Variants in OR7A17 observed in about 807,000 individuals in gnomAD.
OR7A17 encodes olfactory receptor 7A17.
For synonymous variants in OR7A17, 159 were observed against 142.1 expected (o/e 1.12, Z -0.85); for missense variants, 366 against 365.5 (o/e 1.00, Z -0.01).
At chr19:14,882,928 G>A (rs1381841884) in intron 1 of OR7A17, among the ~76,000 whole-genome samples, 1 of 152,196 alleles carries the variant, frequency 6.6e-6, no homozygotes, top group Non-Finnish European at 1.5e-5. Flanking sequence ...TACCAGGCAA[G>A]TTGTCAATTT....
chr19:14,880,327 G>C lies in OR7A17; in HGVS notation c.*99C>G. ...TTGAAACTCTGAGAAAAAATAGAAG[G>C]AGCAAATTCCACTTTCACAACCTGA... On this transcript the variant is annotated 3_prime_UTR_variant, in exon 3 of 3. Coordinates refer to ENST00000641113, the MANE Select transcript of OR7A17 (RefSeq NM_030901.2). The C allele has an allele frequency of 1.0e-6, 1 of 981,934 alleles. No individual in the cohort carries two copies. Among genetic ancestry groups the C allele is most frequent in the Middle Eastern group, 2.3e-4 (1 of 4,404 alleles). The allele number at this position is 981,934 out of a possible 1,614,324, so 60.8% of individuals were successfully genotyped here.
At chr19:14,884,280 C>A (rs2045126481) in intron 1 of OR7A17, among the ~76,000 whole-genome samples, 1 of 151,888 alleles carries the variant, frequency 6.6e-6, no homozygotes, top group Non-Finnish European at 1.5e-5. Flanking sequence ...AAAATGTTTC[C>A]TTAAATATTT....
At chr19:14,883,428 G>A (rs548556520) in intron 1 of OR7A17, among the ~76,000 whole-genome samples, 16 of 149,936 alleles carry the variant, frequency 1.1e-4, no homozygotes, top group Middle Eastern at 3.4e-3. Context: ...CAACAAGAGC[G>A]AAACTCTGTC....
At chr19:14,884,572 G>A (rs1432296222) in intron 1 of OR7A17, 1 of 152,156 alleles carries the variant, frequency 6.6e-6, no homozygotes, top group Non-Finnish European at 1.5e-5. Context: ...GACTAAACCA[G>A]GAAGAAGTCA....
rs1327279586 is a variant in OR7A17 at position 14,880,676 on chromosome 19, G to A, written c.680C>T (p.Ala227Val). The change falls in exon 3 of 3, where the codon GCA becomes GTA. Residue 227 changes from alanine to valine, a missense_variant. Physicochemically the swap from Ala to Val is moderately conservative, Grantham distance 64. Transcript: ENST00000641113. ...SYSKIVSSIR[A>V]ISSAQGKYKA... ...GTACTTCCCCTGAGCTGATGAGATTGCACGTATGGAGGAAACTATCTTAGA... is the reference window on the plus strand; with the variant it reads ...GTACTTCCCCTGAGCTGATGAGATTACACGTATGGAGGAAACTATCTTAGA... 1 of 1,614,070 alleles carries A rather than the reference G, an allele frequency of 6.2e-7. No homozygotes were observed. The highest frequency in any genetic ancestry group is 1.3e-5 in the African/African-American group (1 of 74,918).
At position 14,880,404 on chromosome 19, in the gene OR7A17, T is replaced by G. The variant is rs945777055; in HGVS notation, c.*22A>C. The G allele has an allele frequency of 2.6e-6, 4 of 1,538,394 alleles. No individual in the cohort carries two copies. The highest frequency in any genetic ancestry group is 2.6e-6 in the Non-Finnish European group (3 of 1,138,728). ...AGACTTAAAGCTCTGAAATCACAGT[T>G]ATTTCTTGAAAAATGGCCCTTTTAT... On this transcript the variant is annotated 3_prime_UTR_variant, in exon 3 of 3. Transcript: ENST00000641113.
chr19:14,880,467 T>G lies in OR7A17; in HGVS notation c.889A>C (p.Ile297Leu), dbSNP rs770542047. 2 of 1,611,884 alleles carry G rather than the reference T, an allele frequency of 1.2e-6. No homozygotes were observed. The highest frequency in any genetic ancestry group is 1.7e-6 in the Non-Finnish European group (2 of 1,179,288). ...PFIYSLRNKD[I>L]KRALKMSFRG... ...AAGGACATTTTCAGAGCCCTCTTTA[T>G]GTCTTTATTCCTCAGACTGTAGATA... The change falls in exon 3 of 3, where the codon ATA (isoleucine) becomes CTA (leucine). Residue 297 changes from isoleucine (I) to leucine (L), a missense_variant. Coordinates refer to ENST00000641113, the MANE Select transcript of OR7A17 (RefSeq NM_030901.2).
rs1476313057 is a variant in OR7A17 at position 14,881,068 on chromosome 19, G to A, written c.288C>T (p.Gly96=). 3 of 1,614,208 alleles carry A rather than the reference G, an allele frequency of 1.9e-6. No individual in the cohort carries two copies. Among genetic ancestry groups the A allele is most frequent in the Non-Finnish European group, 2.5e-6 (3 of 1,180,040 alleles). The change falls in exon 3 of 3, where the codon GGC becomes GGT. Residue 96 remains glycine (G), a synonymous_variant. Transcript: ENST00000641113. The part of the protein sequence containing the change: ...QTQSRVITYA[G]CITQMCFFVL... ...CAAAAAAGCACATCTGGGTGATGCA[G>A]CCTGCATAGGTGATGACTCTGCTCT...
Position 14,880,673 on chromosome 19 carries a change from A to G in OR7A17, c.683T>C (p.Ile228Thr). The part of the protein sequence containing the change: ...YSKIVSSIRA[I>T]SSAQGKYKAF... ...CTTGTACTTCCCCTGAGCTGATGAG[A>G]TTGCACGTATGGAGGAAACTATCTT... The change falls in exon 3 of 3, where the codon ATC becomes ACC. Residue 228 changes from isoleucine to threonine, a missense_variant. Physicochemically the swap from Ile to Thr is moderately conservative, Grantham distance 89 (BLOSUM62 -1). Transcript: ENST00000641113. 6.2e-7 allele frequency: 1 copy of G among 1,614,184 alleles called. No homozygotes were observed. The highest frequency in any genetic ancestry group is 8.5e-7 in the Non-Finnish European group (1 of 1,180,034).
Position 14,880,231 on chromosome 19 carries a change from A to T in OR7A17, c.*195T>A. The stretch of plus-strand genomic sequence containing the variant: ...TGACAAAAAAAAAAAAAAAAAAAAG[A>T]TTGGATATCAGAGAGCGGAAAGCTT... On this transcript the variant is annotated 3_prime_UTR_variant, in exon 3 of 3. Coordinates refer to ENST00000641113, the MANE Select transcript of OR7A17 (RefSeq NM_030901.2). The T allele has an allele frequency of 1.7e-4, 46 of 275,102 alleles. No individual in the cohort carries two copies. Among genetic ancestry groups the T allele is most frequent in the Middle Eastern group, 2.2e-3 (2 of 910 alleles). 17.0% of individuals were successfully genotyped at this position (275,102 alleles called of 1,614,324 possible).
intron 1 of OR7A17, among the ~76,000 whole-genome samples, chr19:14,883,322 C>G (rs1382702777): frequency 6.6e-6 from 1 of 152,046 alleles, no homozygotes; most frequent in Non-Finnish European, 1.5e-5. Context: ...TGGCTGTAAT[C>G]CCAGCTACTC....
At position 14,880,978 on chromosome 19, in the gene OR7A17, G is replaced by T. The variant is rs2045106312; in HGVS notation, c.378C>A (p.Ile126=). ...TGACTGTGTAGTGCAGAGGATGACA[G>T]ATGGCCACAAACCGATCATAGGCCA... ...AVMAYDRFVA[I]CHPLHYTVIM... is the part of the protein sequence containing the mutation. The change falls in exon 3 of 3, where the codon ATC becomes ATA. Residue 126 remains isoleucine (I), a synonymous_variant. Coordinates refer to ENST00000641113, the MANE Select transcript of OR7A17 (RefSeq NM_030901.2). 3.7e-6 allele frequency: 6 copies of T among 1,614,098 alleles called. No homozygotes were observed. The highest frequency in any genetic ancestry group is 4.2e-6 in the Non-Finnish European group (5 of 1,180,048).
intron 1 of OR7A17, among the ~76,000 whole-genome samples, chr19:14,883,460 G>A (rs1277164695): frequency 2.0e-5 from 3 of 151,308 alleles, no homozygotes; most frequent in Non-Finnish European, 3.0e-5. Flanking sequence ...AAAAAAAAAA[G>A]AAAAAAATCC....
Position 14,880,312 on chromosome 19 carries a change from G to T in OR7A17, c.*114C>A. 1 of 846,806 alleles carries T rather than the reference G, an allele frequency of 1.2e-6. No homozygotes were observed. The highest frequency in any genetic ancestry group is 1.8e-6 in the Non-Finnish European group (1 of 564,142). The allele number at this position is 846,806 out of a possible 1,614,324, so 52.5% of individuals were successfully genotyped here. ...TTGAGATCAAAGAAATTGAAACTCTGAGAAAAAATAGAAGGAGCAAATTCC... is the reference window on the plus strand; with the variant it reads ...TTGAGATCAAAGAAATTGAAACTCTTAGAAAAAATAGAAGGAGCAAATTCC... On this transcript the variant is annotated 3_prime_UTR_variant, in exon 3 of 3. Transcript: ENST00000641113.
rs1480476395 is a variant in OR7A17 at position 14,879,202 on chromosome 19, A to G, written c.*1224T>C. 1.3e-5 allele frequency: 2 copies of G among 152,136 alleles called. No individual in the cohort carries two copies. The highest frequency in any genetic ancestry group is 2.9e-5 in the Non-Finnish European group (2 of 68,032). The allele number at this position is 152,136 out of a possible 1,614,324, so 9.4% of individuals were successfully genotyped here. A position where few individuals can be genotyped will look rare whatever the true frequency, so the allele number is the denominator to read the frequency against. On this transcript the variant is annotated 3_prime_UTR_variant, in exon 3 of 3. Transcript: ENST00000641113. ...TTGTAATCTAAGTCCAGATGAAATC[A>G]ATTGATTCACACAAATTTATTTTTC... is the stretch of plus-strand genomic sequence containing the variant.
In OR7A17 at chr19:14,880,773, T is replaced by C; in HGVS notation, c.583A>G (p.Asn195Asp). Residue 195 changes from asparagine (N) to aspartate (D), a missense_variant, in exon 3 of 3, where the codon AAT becomes GAT. Transcript: ENST00000641113. The part of the protein sequence containing the change: ...IHLACSDTFL[N>D]DMGMYFAAGL... ...GCTGCAAAATACATCCCCATGTCAT[T>C]AAGAAAGGTGTCAGAACAGGCAAGG... 6.2e-7 allele frequency: 1 copy of C among 1,614,166 alleles called. No individual in the cohort carries two copies. Among genetic ancestry groups the C allele is most frequent in the Admixed American group, 1.7e-5 (1 of 60,014 alleles).
At position 14,881,847 on chromosome 19, in the gene OR7A17, A is replaced by G. The variant is rs943044707; in HGVS notation, c.-270T>C. 6.6e-6 allele frequency: 1 copy of G among 152,260 alleles called. No individual in the cohort carries two copies. The highest frequency in any genetic ancestry group is 2.4e-5 in the African/African-American group (1 of 41,448). 9.4% of individuals were successfully genotyped at this position (152,260 alleles called of 1,614,324 possible). On this transcript the variant is annotated 5_prime_UTR_variant, in exon 2 of 3. Coordinates refer to ENST00000641113, the MANE Select transcript of OR7A17 (RefSeq NM_030901.2). The stretch of plus-strand genomic sequence containing the variant: ...TTGGCATTTTCCAATAATTCAATAT[A>G]TCATCATGAACTATATTCACCATGC...
In OR7A17 at chr19:14,880,302, T is replaced by C. The variant is rs2145118676; in HGVS notation, c.*124A>G. 1.3e-6 allele frequency: 1 copy of C among 744,852 alleles called. No individual in the cohort carries two copies. Among genetic ancestry groups the C allele is most frequent in the Admixed American group, 3.2e-5 (1 of 31,288 alleles). The allele number at this position is 744,852 out of a possible 1,614,324, so 46.1% of individuals were successfully genotyped here. A position where few individuals can be genotyped will look rare whatever the true frequency, so the allele number is the denominator to read the frequency against. On this transcript the variant is annotated 3_prime_UTR_variant, in exon 3 of 3. Coordinates refer to ENST00000641113, the MANE Select transcript of OR7A17 (RefSeq NM_030901.2). Reference sequence around the variant, plus strand: ...TCTATGTCAGTTGAGATCAAAGAAATTGAAACTCTGAGAAAAAATAGAAGG... The same window carrying C: ...TCTATGTCAGTTGAGATCAAAGAAACTGAAACTCTGAGAAAAAATAGAAGG...
intron 1 of OR7A17, among the ~76,000 whole-genome samples, chr19:14,883,894 TAAA>T (rs2045124514): frequency 1.3e-5 from 2 of 152,206 alleles, no homozygotes; most frequent in Non-Finnish European, 2.9e-5. Flanking sequence ...ACAATGTTTC[TAAA>T]ATGTTCTGGC....
Sources: allele counts gnomAD v4.1 joint callset (sites outside exome capture counted in the v4.1 genomes callset), GRCh38; gene constraint gnomAD v4.1.1; transcripts MANE v1.5; gene names NCBI Gene and HGNC (gene_info 2026-07-23, HGNC 2026-07-21).